UPF2: variants seen among roughly 807,000 people sequenced by gnomAD.
UPF2 encodes regulator of nonsense transcripts 2.
UPF2 carries 17 observed loss-of-function variants against 141.4 expected under a neutral mutation model. That is an observed-to-expected ratio of 0.12 (90% CI 0.08 to 0.18). The LOEUF (loss-of-function observed/expected upper bound fraction) is 0.18. UPF2 is among the 10% of genes least tolerant of loss of function. UPF2 has a pLI of 1.00. For missense variants in UPF2, 1,152 were observed against 1,515.9 expected (o/e 0.76, Z 3.99); for synonymous variants, 540 against 498.0 (o/e 1.08, Z -1.12).
chr10:11,970,686 C>T (rs999243933), intron 9 of UPF2, among the ~76,000 whole-genome samples: 3 of 152,130 alleles, frequency 2.0e-5, no homozygotes, highest in Admixed American at 1.3e-4. Flanking sequence ...GTGGCACGTG[C>T]CTGTAATCCC....
chr10:11,995,700 T>G (rs1298892696), intron 8 of UPF2, among the ~76,000 whole-genome samples: 1 of 152,042 alleles, frequency 6.6e-6, no homozygotes, highest in African/African-American at 2.4e-5. Flanking sequence ...GGAGAATCGC[T>G]TGAACCCTGG....
chr10:12,026,775 C>G (rs1220172542), intron 3 of UPF2: 4 of 401,810 alleles, frequency 1.0e-5, no homozygotes, highest in Admixed American at 3.3e-5. Context: ...CTCAGTCCCC[C>G]ACAAGTAGCT....
intron 4 of UPF2, among the ~76,000 whole-genome samples, chr10:12,009,221 T>C (rs1214729397): frequency 3.9e-5 from 6 of 152,182 alleles, no homozygotes; most frequent in Non-Finnish European, 5.9e-5. Context: ...AATACTAGCA[T>C]ATATACAGAA....
chr10:12,026,716 T>C, intron 3 of UPF2: 1 of 440,460 alleles, frequency 2.3e-6, no homozygotes, highest in Non-Finnish European at 4.5e-6. Context: ...AATGGCACAA[T>C]CTCGGCTCAC....
intron 8 of UPF2, among the ~76,000 whole-genome samples, chr10:11,988,096 G>C (rs1389995935): frequency 6.6e-6 from 1 of 152,118 alleles, no homozygotes; most frequent in Non-Finnish European, 1.5e-5. Context: ...AGGGGCAAAG[G>C]CTGTGAATAG....
chr10:12,037,402 C>CTTTTTTT (rs59226793), intron 1 of UPF2, among the ~76,000 whole-genome samples: 2 of 122,294 alleles, frequency 1.6e-5, no homozygotes, highest in African/African-American at 6.2e-5. Flanking sequence ...TTTTGTTTTT[C>CTTTTTTT]TTTTTTTTTT....
Position 11,936,648 on chromosome 10 carries a change from C to T in UPF2, c.3443G>A (p.Ser1148Asn), listed in dbSNP as rs754179313. 9.3e-6 allele frequency: 15 copies of T among 1,613,242 alleles called. No homozygotes were observed. The highest frequency in any genetic ancestry group is 1.1e-5 in the Non-Finnish European group (13 of 1,179,712). The change falls in exon 19 of 22, where the codon AGC becomes AAC. Residue 1148 changes from serine (S) to asparagine (N), a missense_variant. By Grantham distance (46) the Ser-to-Asn change is conservative. Around this residue, in one of 4 missense-constraint regions of UPF2, gnomAD observed 202 missense variants for 223.6 expected, o/e 0.90. Coordinates refer to ENST00000357604, the MANE Select transcript of UPF2 (RefSeq NM_015542.4). This position sits in a 1 kb window ranked among gnomAD's most constrained non-coding sequence, Gnocchi z 6.6. ...LDVAIPLHLK[S>N]QLRKGPPLGG... The stretch of plus-strand genomic sequence containing the variant: ...CAGTGGGGGCCCTTTCCTCAGCTGG[C>T]TTTTGAGATGCAAAGGAATGGCAAC...
In UPF2 at chr10:12,016,144, C is replaced by CTGAA. The variant is rs141847439; in HGVS notation, c.1146-1961_1146-1960insTTCA. ...CTATGAAAGACACAACATTAGCACT[C>CTGAA]TGAGCTTGTTAAAACTTTTAATCAG... On this transcript the variant is annotated intron_variant, in intron 3 of 21. Transcript: ENST00000357604. This position sits in a 1 kb window ranked among gnomAD's most constrained non-coding sequence, Gnocchi z 4.1. Among the ~76,000 whole-genome samples, 8,538 of 152,200 alleles carry CTGAA rather than the reference C, an allele frequency of 0.056. 291 individuals are homozygous for CTGAA. The highest frequency in any genetic ancestry group is 0.08 in the Non-Finnish European group (5,444 of 68,008).
chr10:11,938,852 T>TG (rs1832889331), intron 18 of UPF2, among the ~76,000 whole-genome samples: 23 of 114,052 alleles, frequency 2.0e-4, no homozygotes, highest in African/African-American at 9.0e-4. Flanking sequence ...GTTTTTTTTT[T>TG]GTTTTTTTTT....
intron 4 of UPF2, among the ~76,000 whole-genome samples, chr10:12,011,152 G>A (rs962119989): frequency 1.3e-5 from 2 of 152,010 alleles, no homozygotes; most frequent in Admixed American, 6.6e-5. Context: ...GGCTAAATTT[G>A]TTTTATTTTT....
At chr10:11,969,051 G>C (rs912710436) in intron 9 of UPF2, among the ~76,000 whole-genome samples, 1 of 151,870 alleles carries the variant, frequency 6.6e-6, no homozygotes, top group African/African-American at 2.4e-5. Flanking sequence ...TAGTAGAGAT[G>C]GGGTTTCACA....
chr10:11,967,701 C>G (rs1433185236), intron 9 of UPF2, among the ~76,000 whole-genome samples: 1 of 151,808 alleles, frequency 6.6e-6, no homozygotes, highest in Non-Finnish European at 1.5e-5. Flanking sequence ...AGGCGCCCAC[C>G]ACCACACCCA....
chr10:11,979,285 A>G lies in UPF2; in HGVS notation c.1845-120T>C. 1 of 600,918 alleles carries G rather than the reference A, an allele frequency of 1.7e-6. No homozygotes were observed. The highest frequency in any genetic ancestry group is 3.7e-5 in the South Asian group (1 of 26,948). 37.2% of individuals were successfully genotyped at this position (600,918 alleles called of 1,614,324 possible). A position where few individuals can be genotyped will look rare whatever the true frequency, so the allele number is the denominator to read the frequency against. On this transcript the variant is annotated intron_variant, in intron 8 of 21. Transcript: ENST00000357604. This position sits in a 1 kb window ranked among gnomAD's most constrained non-coding sequence, Gnocchi z 6.2. ...ATGATCTTAAAACTCATAATCATAC[A>G]GACATGCCTATTTATTGCCATCATA...
intron 8 of UPF2, among the ~76,000 whole-genome samples, chr10:11,984,135 G>C (rs983968102): frequency 2.0e-5 from 3 of 151,846 alleles, no homozygotes; most frequent in African/African-American, 2.4e-5. Flanking sequence ...GTTGGTCAGG[G>C]TGGTCTGGAA....
intron 9 of UPF2, among the ~76,000 whole-genome samples, chr10:11,971,341 G>T (rs575355163): frequency 6.7e-6 from 1 of 150,110 alleles, no homozygotes; most frequent in Non-Finnish European, 1.5e-5. Flanking sequence ...CGCAACCTCC[G>T]CCTCCCGGGT....
In UPF2 at chr10:11,956,255, T is replaced by C. The variant is rs1833148361; in HGVS notation, c.2574+65A>G. 7 of 1,458,118 alleles carry C rather than the reference T, an allele frequency of 4.8e-6. No individual in the cohort carries two copies. The highest frequency in any genetic ancestry group is 1.2e-5 in the South Asian group (1 of 86,308). 90.3% of individuals were successfully genotyped at this position (1,458,118 alleles called of 1,614,324 possible). On this transcript the variant is annotated intron_variant, in intron 13 of 21. Transcript: ENST00000357604. The surrounding 1 kb of genome is among the most constrained non-coding windows in gnomAD (Gnocchi z 4.2). Reference sequence around the variant, plus strand: ...ATTCCTATAACTTGAGTCTCAATAGTAACCTAGAAATAATAAATTCTCCAC... The same window carrying C: ...ATTCCTATAACTTGAGTCTCAATAGCAACCTAGAAATAATAAATTCTCCAC...
chr10:12,035,200 T>G lies in UPF2; in HGVS notation c.224A>C (p.Lys75Thr). The G allele has an allele frequency of 1.2e-6, 2 of 1,613,742 alleles. No homozygotes were observed. The highest frequency in any genetic ancestry group is 1.7e-6 in the Non-Finnish European group (2 of 1,179,990). Residue 75 changes from lysine (K) to threonine (T), a missense_variant, in exon 2 of 22, where the codon AAA (lysine) becomes ACA (threonine). By Grantham distance (78) the Lys-to-Thr change is moderately conservative (BLOSUM62 -1). Coordinates refer to ENST00000357604, the MANE Select transcript of UPF2 (RefSeq NM_015542.4). ...RKKEDKERKK[K>T]DEEKVKAEEE... ...CTCTGCCTTCACCTTTTCTTCGTCTTTTTTCTTGCGTTCCTTGTCTTCCTT... is the reference window on the plus strand; with the variant it reads ...CTCTGCCTTCACCTTTTCTTCGTCTGTTTTCTTGCGTTCCTTGTCTTCCTT...
At chr10:11,978,775 G>C (rs967051891) in intron 9 of UPF2, among the ~76,000 whole-genome samples, 2 of 152,116 alleles carry the variant, frequency 1.3e-5, no homozygotes, top group African/African-American at 2.4e-5. Context: ...TGGCTGTCTT[G>C]ACCCTGGAGA....
intron 1 of UPF2, among the ~76,000 whole-genome samples, chr10:12,041,008 C>T (rs1834726457): frequency 6.6e-6 from 1 of 152,156 alleles, no homozygotes; most frequent in Admixed American, 6.6e-5. Flanking sequence ...CAGCTAGTTT[C>T]CGTGGCTGGA....
Sources: gnomAD v4.1 joint callset for allele counts (sites outside exome capture counted in the v4.1 genomes callset) on GRCh38, gnomAD v4.1.1 for gene constraint, gnomAD v4.1.1 regional missense constraint, Gnocchi (gnomAD v3.1) non-coding constraint, MANE v1.5 for transcripts, NCBI Gene and HGNC (gene_info 2026-07-23, HGNC 2026-07-21) for gene names.